Variants in SUN1 observed in about 807,000 individuals in gnomAD.
The protein encoded by SUN1 is SUN domain-containing protein 1.
SUN1 carries 61 observed loss-of-function variants against 103.2 expected under a neutral mutation model. That is an observed-to-expected ratio of 0.59 (90% CI 0.48 to 0.73). SUN1 has a LOEUF of 0.73. SUN1 is among the 30% of genes least tolerant of loss of function. The probability of loss-of-function intolerance (pLI) is 0.00; values close to 1 mark genes in which losing one functional copy is unlikely to be tolerated. For synonymous variants in SUN1, 490 were observed against 425.7 expected (o/e 1.15, Z -1.86); for missense variants, 1,052 against 1,034.6 (o/e 1.02, Z -0.23).
At chr7:850,292 G>C (rs1584816733) in intron 5 of SUN1, 1 of 435,272 alleles carries the variant, frequency 2.3e-6, no homozygotes, top group East Asian at 4.6e-5. Flanking sequence ...TCCACCTCCA[G>C]AGTTCAAGCA....
chr7:837,922 C>T (rs1053158391), intron 1 of SUN1, among the ~76,000 whole-genome samples: 6 of 152,250 alleles, frequency 3.9e-5, no homozygotes, highest in African/African-American at 1.4e-4. Flanking sequence ...TTCTGTCTGG[C>T]TTCATAACAG....
chr7:825,012 C>A (rs951738268), intron 1 of SUN1, among the ~76,000 whole-genome samples: 1 of 152,018 alleles, frequency 6.6e-6, no homozygotes, highest in Non-Finnish European at 1.5e-5. Flanking sequence ...TCCTGCCTCA[C>A]AAATGAAGAT....
At position 860,134 on chromosome 7, in the gene SUN1, G is replaced by C. The variant is rs369117433; in HGVS notation, c.1531G>C (p.Val511Leu). Residue 511 changes from valine to leucine, a missense_variant, in exon 14 of 19, where the codon GTG becomes CTG. Val to Leu is a conservative substitution (Grantham distance 32). Around this residue, in one of 2 missense-constraint regions of SUN1, gnomAD observed 846 missense variants for 774.5 expected, o/e 1.09. Coordinates refer to ENST00000401592, the MANE Select transcript of SUN1 (RefSeq NM_001130965.3). ...TVDAVQERVD[V>L]QVREMVKLLF... ...CCGTCTGCTGTTTTACTAGGTGGAC[G>C]TGCAAGTCAGAGAAATGGTGAAACT... 1 of 1,613,908 alleles carries C rather than the reference G, an allele frequency of 6.2e-7. No individual in the cohort carries two copies. The highest frequency in any genetic ancestry group is 1.7e-5 in the Admixed American group (1 of 60,030).
At chr7:832,855 G>A (rs975670997) in intron 1 of SUN1, 2 of 468,642 alleles carry the variant, frequency 4.3e-6, no homozygotes, top group African/African-American at 3.9e-5. Context: ...ACCCCACCCA[G>A]GTGGTTGTGA....
chr7:873,373 G>C lies in SUN1; in HGVS notation c.*42G>C, dbSNP rs768479248. Reference sequence around the variant, plus strand: ...TTTTGTACATTTTTGTATATACTGGGACAGCGTGAAACACTGGAATCCTTC... The same window carrying C: ...TTTTGTACATTTTTGTATATACTGGCACAGCGTGAAACACTGGAATCCTTC... On this transcript the variant is annotated 3_prime_UTR_variant, in exon 19 of 19. Coordinates refer to ENST00000401592, the MANE Select transcript of SUN1 (RefSeq NM_001130965.3). The C allele has an allele frequency of 3.9e-6, 6 of 1,546,850 alleles. No homozygotes were observed. Among genetic ancestry groups the C allele is most frequent in the Non-Finnish European group, 5.4e-6 (6 of 1,119,506 alleles).
intron 15 of SUN1, 31 bp downstream of exon 15, chr7:861,495 T>C (rs866461217): frequency 3.1e-6 from 5 of 1,610,212 alleles, no homozygotes; most frequent in Middle Eastern, 3.3e-4. Context: ...ATTACTAAGT[T>C]AGATGATCAC....
Position 832,611 on chromosome 7 carries a change from C to A in SUN1, c.77+10C>A, listed in dbSNP as rs754196591. 6.2e-7 allele frequency: 1 copy of A among 1,606,882 alleles called. No homozygotes were observed. The highest frequency in any genetic ancestry group is 8.5e-7 in the Non-Finnish European group (1 of 1,176,254). On this transcript the variant is annotated intron_variant, in intron 1 of 18. Transcript: ENST00000401592. ...ACACGTATGCGCTCAGGTGAGTGTGCACCTGCACGTGGGGTCCTGGCCTTG... is the reference window on the plus strand; with the variant it reads ...ACACGTATGCGCTCAGGTGAGTGTGAACCTGCACGTGGGGTCCTGGCCTTG...
In SUN1 at chr7:842,088, G is replaced by A. The variant is rs771878466; in HGVS notation, c.409G>A (p.Glu137Lys). ...AVTRRPPVLD[E>K]SWIREQTTVD... ...GACTCGACGGCCTCCTGTATTGGAC[G>A]AGTCTTGGATTCGTGAACAGACCAC... is the stretch of plus-strand genomic sequence containing the variant. Residue 137 changes from glutamate (E) to lysine (K), a missense_variant, in exon 3 of 19, where the codon GAG (glutamate) becomes AAG (lysine). By Grantham distance (56) the Glu-to-Lys change is moderately conservative. This residue lies in a region of SUN1 where 846 missense variants were observed against 774.5 expected (regional missense o/e 1.09). Coordinates refer to ENST00000401592, the MANE Select transcript of SUN1 (RefSeq NM_001130965.3). The A allele has an allele frequency of 3.7e-6, 6 of 1,614,134 alleles. No homozygotes were observed. The highest frequency in any genetic ancestry group is 4.2e-6 in the Non-Finnish European group (5 of 1,180,062).
At chr7:835,700 G>A (rs1204631104) in intron 1 of SUN1, among the ~76,000 whole-genome samples, 3 of 152,314 alleles carry the variant, frequency 2.0e-5, no homozygotes, top group African/African-American at 7.2e-5. Context: ...GCTGTCTGAC[G>A]TGTCTCCTCT....
chr7:868,209 C>G (rs1838622132), intron 16 of SUN1, among the ~76,000 whole-genome samples: 1 of 152,258 alleles, frequency 6.6e-6, no homozygotes, highest in African/African-American at 2.4e-5. Context: ...CGGTCTCCTC[C>G]TCCGTTGCGC....
At chr7:872,122 C>A (rs554978309) in intron 17 of SUN1, among the ~76,000 whole-genome samples, 4 of 152,326 alleles carry the variant, frequency 2.6e-5, no homozygotes, top group Admixed American at 2.6e-4. Context: ...TGCTCCAGAG[C>A]TTCCACTGTG....
chr7:848,410 T>C lies in SUN1; in HGVS notation c.659-2974T>C, dbSNP rs755316288. On this transcript the variant is annotated intron_variant, in intron 5 of 18. Coordinates refer to ENST00000401592, the MANE Select transcript of SUN1 (RefSeq NM_001130965.3). ...AAGAAATAACGCATGTTCATGGTTTTTTAATAGGCGGTGCGTCTTTCTACG... is the reference window on the plus strand; with the variant it reads ...AAGAAATAACGCATGTTCATGGTTTCTTAATAGGCGGTGCGTCTTTCTACG... 2.2e-6 allele frequency: 3 copies of C among 1,350,170 alleles called. 1 individual carries two copies. In the Admixed American group the frequency reaches 6.4e-5, roughly 29 times the overall value. 83.6% of individuals were successfully genotyped at this position (1,350,170 alleles called of 1,614,324 possible). A position where few individuals can be genotyped will look rare whatever the true frequency, so the allele number is the denominator to read the frequency against.
In SUN1 at chr7:853,455, A is replaced by T; in HGVS notation, c.1100A>T (p.Gln367Leu). ...TGGCATTGGATGAGTGGCGTGGAGCAGCAGGTGGCCTCTCTGTCTGGACAG... is the reference window on the plus strand; with the variant it reads ...TGGCATTGGATGAGTGGCGTGGAGCTGCAGGTGGCCTCTCTGTCTGGACAG... ...FPWHWMSGVE[Q>L]QVASLSGQCH... is the part of the protein sequence containing the mutation. Residue 367 changes from glutamine (Q) to leucine (L), a missense_variant, in exon 10 of 19, where the codon CAG becomes CTG. Gln to Leu is a moderately radical substitution (Grantham distance 113, BLOSUM62 -2). This residue lies in a region of SUN1 where 846 missense variants were observed against 774.5 expected (regional missense o/e 1.09). Coordinates refer to ENST00000401592, the MANE Select transcript of SUN1 (RefSeq NM_001130965.3). 6.2e-7 allele frequency: 1 copy of T among 1,614,078 alleles called. No homozygotes were observed. The highest frequency in any genetic ancestry group is 8.5e-7 in the Non-Finnish European group (1 of 1,180,046).
At chr7:863,249 A>G (rs6952724) in intron 15 of SUN1, among the ~76,000 whole-genome samples, 613 of 38,534 alleles carry the variant, frequency 0.016, no homozygotes, top group South Asian at 0.04. Context: ...CTTGCTGCCC[A>G]GCATTCACCA....
At chr7:844,915 G>C (rs1338316585) in intron 5 of SUN1, among the ~76,000 whole-genome samples, 2 of 152,176 alleles carry the variant, frequency 1.3e-5, no homozygotes, top group Admixed American at 1.3e-4. Context: ...AGGGCCCCGG[G>C]GGTGCTGCAC....
chr7:846,898 C>A (rs1455152289), intron 5 of SUN1, among the ~76,000 whole-genome samples: 1 of 152,146 alleles, frequency 6.6e-6, no homozygotes, highest in Non-Finnish European at 1.5e-5. Context: ...CCTGTAATCC[C>A]AGCTACTTGG....
Position 852,676 on chromosome 7 carries a change from A to C in SUN1, c.910+9A>C. ...ACTCTTCCTTTTACTAGGTAAGTCA[A>C]ATCTGGCTGAGTTGCCTCCGATGGC... On this transcript the variant is annotated intron_variant, in intron 8 of 18. Transcript: ENST00000401592. The C allele has an allele frequency of 2.5e-6, 4 of 1,614,214 alleles. No individual in the cohort carries two copies. Among genetic ancestry groups the C allele is most frequent in the Non-Finnish European group, 3.4e-6 (4 of 1,180,030 alleles).
At position 838,850 on chromosome 7, in the gene SUN1, C is replaced by G. The variant is rs1007970141; in HGVS notation, c.130C>G (p.Pro44Ala). ...LDFETEHKLD[P>A]VFDSPRMSRR... ...TTTTGAGACGGAGCACAAATTGGAC[C>G]CTGTATTTGATTCTCCACGGATGTC... The change falls in exon 2 of 19, where the codon CCT (proline) becomes GCT (alanine). Residue 44 changes from proline (P) to alanine (A), a missense_variant. Transcript: ENST00000401592. The G allele has an allele frequency of 1.3e-6, 2 of 1,581,922 alleles. No homozygotes were observed. The highest frequency in any genetic ancestry group is 8.6e-7 in the Non-Finnish European group (1 of 1,163,414).
chr7:831,521 C>T (rs1477471245), upstream of SUN1, among the ~76,000 whole-genome samples: 5 of 152,162 alleles, frequency 3.3e-5, no homozygotes, highest in African/African-American at 7.2e-5. Flanking sequence ...CCGCCCACCT[C>T]GGCCTCCCAA....
Sources: allele counts gnomAD v4.1 joint callset (sites outside exome capture counted in the v4.1 genomes callset), GRCh38; gene constraint gnomAD v4.1.1; regional missense constraint gnomAD v4.1.1; transcripts MANE v1.5; gene names NCBI Gene and HGNC (gene_info 2026-07-23, HGNC 2026-07-21).